The following EIF3J variants were observed in gnomAD, a reference collection of about 807,000 sequenced individuals.
EIF3J encodes eukaryotic translation initiation factor 3, subunit 1 (alpha, 35kD).
A neutral mutation model predicts 39.0 loss-of-function variants in EIF3J; 15 were observed. That is an observed-to-expected ratio of 0.38 (90% CI 0.26 to 0.59). The LOEUF (loss-of-function observed/expected upper bound fraction) is 0.59, where lower values mean the gene tolerates loss of function less well. Ranked by LOEUF, EIF3J falls within the 20% of genes least tolerant of loss-of-function variation. The pLI, the probability that EIF3J is intolerant of heterozygous loss-of-function variation, is 0.60. For synonymous variants in EIF3J, 98 were observed against 112.9 expected (o/e 0.87, Z 0.84); for missense variants, 226 against 308.6 (o/e 0.73, Z 2.00).
intron 2 of EIF3J, among the ~76,000 whole-genome samples, chr15:44,549,780 A>AAC (rs2082083660): frequency 1.3e-5 from 2 of 150,122 alleles, no homozygotes; most frequent in African/African-American, 2.5e-5. Flanking sequence ...AAAAAAAAAA[A>AAC]AAAAAAAAAA....
At chr15:44,537,630 G>A (rs768638235) in intron 2 of EIF3J, among the ~76,000 whole-genome samples, 6 of 152,238 alleles carry the variant, frequency 3.9e-5, no homozygotes, top group African/African-American at 7.2e-5. Flanking sequence ...TCCCTCGCCG[G>A]TTGAGAGTCT....
At chr15:44,551,329 G>A in intron 3 of EIF3J, 102 bp from the exon 4 acceptor site, 1 of 745,760 alleles carries the variant, frequency 1.3e-6, no homozygotes, top group Non-Finnish European at 2.1e-6. Flanking sequence ...TTTGAAGCTG[G>A]GAAAGGTTTG....
At chr15:44,547,146 T>C (rs576223060) in intron 2 of EIF3J, among the ~76,000 whole-genome samples, 39 of 151,020 alleles carry the variant, frequency 2.6e-4, no homozygotes, top group South Asian at 1.3e-3. Context: ...TGATTAGCTG[T>C]TGACTTTTTT....
rs768368281 is a variant in EIF3J at position 44,551,511 on chromosome 15, A to G, written c.283A>G (p.Ile95Val). Residue 95 changes from isoleucine (I) to valine (V), a missense_variant, in exon 4 of 8, where the codon ATT becomes GTT. Around this residue, in one of 2 missense-constraint regions of EIF3J, gnomAD observed 143 missense variants for 156.0 expected, o/e 0.92. Coordinates refer to ENST00000261868, the MANE Select transcript of EIF3J (RefSeq NM_003758.4). ...ERQQKKRQEE[I>V]KKRLEEPEEP... ...GCAACAGAAGAAAAGGCAAGAAGAA[A>G]TTAAAAAGAGGGTAAATTCTGTTTT... 3.8e-6 allele frequency: 6 copies of G among 1,588,962 alleles called. No homozygotes were observed. The South Asian group carries it at 6.9e-5, about 18-fold the overall frequency.
At position 44,545,336 on chromosome 15, in the gene EIF3J, T is replaced by A. The variant is rs2082044943; in HGVS notation, c.148-5540T>A. Among the ~76,000 whole-genome samples the A allele has an allele frequency of 2.6e-5, 4 of 152,168 alleles. No homozygotes were observed. In the South Asian group the frequency reaches 8.3e-4, roughly 32 times the overall value. Reference sequence around the variant, plus strand: ...TTTAAAACATGCTTTTTAAAGACCTTCCTTAACATTGTGTTTAAAGCCTTA... The same window carrying A: ...TTTAAAACATGCTTTTTAAAGACCTACCTTAACATTGTGTTTAAAGCCTTA... On this transcript the variant is annotated intron_variant, in intron 2 of 7. Coordinates refer to ENST00000261868, the MANE Select transcript of EIF3J (RefSeq NM_003758.4).
At position 44,561,150 on chromosome 15, in the gene EIF3J, C is replaced by CA. The variant is rs1184778141; in HGVS notation, c.*2dup. 6.2e-7 allele frequency: 1 copy of CA among 1,608,212 alleles called. No homozygotes were observed. The highest frequency in any genetic ancestry group is 8.5e-7 in the Non-Finnish European group (1 of 1,178,330). On this transcript the variant is annotated 3_prime_UTR_variant, in exon 8 of 8. Coordinates refer to ENST00000261868, the MANE Select transcript of EIF3J (RefSeq NM_003758.4). ...ACAAGACTATGAAGACTTCATGTGA[C>CA]ATTTTATCTTTTCTTGGTGTCATCT...
At chr15:44,559,828 G>C (rs2082177101) in intron 6 of EIF3J, among the ~76,000 whole-genome samples, 1 of 150,422 alleles carries the variant, frequency 6.6e-6, no homozygotes, top group African/African-American at 2.4e-5. Context: ...ACTGAGGAAG[G>C]ATAGTAGGGA....
At chr15:44,551,345 T>G (rs1330354250) in intron 3 of EIF3J, 86 bp from the exon 4 acceptor site, 1 of 880,098 alleles carries the variant, frequency 1.1e-6, no homozygotes, top group Non-Finnish European at 1.7e-6. Context: ...GTTTGGTCTC[T>G]TAATAGTATA....
In EIF3J at chr15:44,560,560, A is replaced by C. The variant is rs971193656; in HGVS notation, c.645+238A>C. The C allele has an allele frequency of 1.0e-5, 5 of 487,552 alleles. No homozygotes were observed. The Admixed American group carries it at 1.5e-4, about 15-fold the overall frequency. 30.2% of individuals were successfully genotyped at this position (487,552 alleles called of 1,614,324 possible). A position where few individuals can be genotyped will look rare whatever the true frequency, so the allele number is the denominator to read the frequency against. Reference sequence around the variant, plus strand: ...TCACAGACTGGGTTCAAATACTAGCACTGCTACTTAATAGGTATAGGTAAA... The same window carrying C: ...TCACAGACTGGGTTCAAATACTAGCCCTGCTACTTAATAGGTATAGGTAAA... On this transcript the variant is annotated intron_variant, in intron 7 of 7. Coordinates refer to ENST00000261868, the MANE Select transcript of EIF3J (RefSeq NM_003758.4).
At chr15:44,560,091 G>A (rs756658486) in intron 6 of EIF3J, among the ~76,000 whole-genome samples, 158 bp from the exon 7 acceptor site, 1 of 152,072 alleles carries the variant, frequency 6.6e-6, no homozygotes, top group African/African-American at 2.4e-5. Context: ...TCCTTTCAAA[G>A]TTACTGAAGT....
At chr15:44,544,198 G>A (rs2082034695) in intron 2 of EIF3J, among the ~76,000 whole-genome samples, 1 of 150,212 alleles carries the variant, frequency 6.7e-6, no homozygotes, top group Admixed American at 6.6e-5. Flanking sequence ...GGTTCAAAGT[G>A]ATTCTTGGGC....
Position 44,549,926 on chromosome 15 carries a change from C to T in EIF3J, c.148-950C>T, listed in dbSNP as rs143818908. On this transcript the variant is annotated intron_variant, in intron 2 of 7. Transcript: ENST00000261868. ...AGTGAGCTGAGATCGTGACATTGCACTCCAGCCTGGGCAAGAAACTCCGTC... is the reference window on the plus strand; with the variant it reads ...AGTGAGCTGAGATCGTGACATTGCATTCCAGCCTGGGCAAGAAACTCCGTC... Among the ~76,000 whole-genome samples the T allele has an allele frequency of 7.2e-3, 1,087 of 151,152 alleles. 17 individuals are homozygous for T. Among genetic ancestry groups the T allele is most frequent in the African/African-American group, 0.023 (949 of 41,138 alleles).
intron 4 of EIF3J, among the ~76,000 whole-genome samples, chr15:44,553,699 G>C (rs1203908922): frequency 6.6e-6 from 1 of 151,886 alleles, no homozygotes; most frequent in Non-Finnish European, 1.5e-5. Flanking sequence ...GGACATTTAG[G>C]TTGTCTGTAA....
chr15:44,549,914 C>T lies in EIF3J; in HGVS notation c.148-962C>T, dbSNP rs146147560. On this transcript the variant is annotated intron_variant, in intron 2 of 7. Coordinates refer to ENST00000261868, the MANE Select transcript of EIF3J (RefSeq NM_003758.4). ...GGTGGAGGTTGCAGTGAGCTGAGAT[C>T]GTGACATTGCACTCCAGCCTGGGCA... is the stretch of plus-strand genomic sequence containing the variant. Among the ~76,000 whole-genome samples, 1,048 of 148,386 alleles carry T rather than the reference C, an allele frequency of 7.1e-3. 15 individuals carry two copies. The highest frequency in any genetic ancestry group is 0.047 in the East Asian group (235 of 5,046).
Position 44,561,207 on chromosome 15 carries a change from C to CACA in EIF3J, c.*61_*63dup. 6.4e-7 allele frequency: 1 copy of CACA among 1,553,334 alleles called. No individual in the cohort carries two copies. The highest frequency in any genetic ancestry group is 8.7e-7 in the Non-Finnish European group (1 of 1,149,408). On this transcript the variant is annotated 3_prime_UTR_variant, in exon 8 of 8. Coordinates refer to ENST00000261868, the MANE Select transcript of EIF3J (RefSeq NM_003758.4). ...TGCCCACAATCCCTTGAACATGTAGCACAACTTCCTTTCCTTTCAGTTCTG... is the reference window on the plus strand; with the variant it reads ...TGCCCACAATCCCTTGAACATGTAGCACAACAACTTCCTTTCCTTTCAGTTCTG...
At chr15:44,557,413 G>T in intron 5 of EIF3J, 76 bp from the exon 6 acceptor site, 1 of 1,125,624 alleles carries the variant, frequency 8.9e-7, no homozygotes. Flanking sequence ...TATTCAGATA[G>T]CTATTGGCTT....
chr15:44,541,524 A>C (rs1465820792), intron 2 of EIF3J, among the ~76,000 whole-genome samples: 1 of 152,208 alleles, frequency 6.6e-6, no homozygotes, highest in East Asian at 1.9e-4. Context: ...TTAAAGAGAG[A>C]GCGATCCTGA....
intron 5 of EIF3J, among the ~76,000 whole-genome samples, chr15:44,555,102 C>G (rs893800678): frequency 1.3e-5 from 2 of 152,272 alleles, no homozygotes; most frequent in Non-Finnish European, 1.5e-5. Context: ...GTGTCATTTC[C>G]TTCTGCAACC....
chr15:44,558,287 G>C (rs2082161390), intron 6 of EIF3J, among the ~76,000 whole-genome samples: 1 of 152,160 alleles, frequency 6.6e-6, no homozygotes. Context: ...TCAGCTCACT[G>C]CAACTTCTGC....
Sources: allele counts gnomAD v4.1 joint callset (sites outside exome capture counted in the v4.1 genomes callset), GRCh38; gene constraint gnomAD v4.1.1; regional missense constraint gnomAD v4.1.1; transcripts MANE v1.5; gene names NCBI Gene and HGNC (gene_info 2026-07-23, HGNC 2026-07-21).